PCNP: variants seen among roughly 807,000 people sequenced by gnomAD.
The protein encoded by PCNP is PEST proteolytic signal-containing nuclear protein.
In PCNP, 6 loss-of-function variants were observed where a neutral mutation model predicts 21.8. The ratio of observed to expected loss-of-function variants is 0.28; its 90% CI spans 0.15 to 0.54. PCNP has a LOEUF of 0.54. Ranked by LOEUF, PCNP falls within the 20% of genes least tolerant of loss-of-function variation. The pLI is 0.95. For missense variants in PCNP, 161 were observed against 215.5 expected, an observed-to-expected ratio of 0.75 and a Z score of 1.58; for synonymous variants, 67 against 73.2, an observed-to-expected ratio of 0.92 and a Z score of 0.43.
intron 1 of PCNP, chr3:101,576,422 A>AT (rs199681143): frequency 1.7e-5 from 21 of 1,235,240 alleles, no homozygotes; most frequent in African/African-American, 3.1e-5. Flanking sequence ...TTTATTTTTT[A>AT]TTTTTTTTAT....
chr3:101,584,645 ACC>A (rs1935404342), intron 2 of PCNP, among the ~76,000 whole-genome samples: 1 of 152,004 alleles, frequency 6.6e-6, no homozygotes, highest in African/African-American at 2.4e-5. Context: ...CCTCACTGCA[ACC>A]TCTGCCTCCT....
At chr3:101,575,471 C>A (rs1243105754) in intron 1 of PCNP, among the ~76,000 whole-genome samples, 4 of 150,910 alleles carry the variant, frequency 2.7e-5, no homozygotes, top group African/African-American at 9.8e-5. Context: ...CCCTCCCCAC[C>A]CCCTGTCTTT....
chr3:101,578,384 C>T (rs759613263), intron 1 of PCNP, among the ~76,000 whole-genome samples: 1 of 152,136 alleles, frequency 6.6e-6, no homozygotes, highest in Non-Finnish European at 1.5e-5. Context: ...AATTGAGTTC[C>T]GTTTTTCAGT....
rs1208571437 is a variant in PCNP, at chr3:101,594,237, T to C, written c.*1484T>C. 1 of 152,614 alleles carries C rather than the reference T, an allele frequency of 6.6e-6. No individual in the cohort carries two copies. Among genetic ancestry groups the C allele is most frequent in the Non-Finnish European group, 1.5e-5 (1 of 68,036 alleles). 9.5% of individuals were successfully genotyped at this position (152,614 alleles called of 1,614,324 possible). On this transcript the variant is annotated 3_prime_UTR_variant, in exon 5 of 5. Coordinates refer to ENST00000265260, the MANE Select transcript of PCNP (RefSeq NM_020357.3). Reference sequence around the variant, plus strand: ...TCTTAGTTCTTACATGATTTAATTATATCGATACATGAATTTAACTTACTT... The same window carrying C: ...TCTTAGTTCTTACATGATTTAATTACATCGATACATGAATTTAACTTACTT...
rs1448333057 is a variant in PCNP at position 101,594,419 on chromosome 3, A to G, written c.*1666A>G. 1 of 152,478 alleles carries G rather than the reference A, an allele frequency of 6.6e-6. No individual in the cohort carries two copies. Among genetic ancestry groups the G allele is most frequent in the Non-Finnish European group, 1.5e-5 (1 of 68,050 alleles). 9.4% of individuals were successfully genotyped at this position (152,478 alleles called of 1,614,324 possible). On this transcript the variant is annotated 3_prime_UTR_variant, in exon 5 of 5. Transcript: ENST00000265260. Reference sequence around the variant, plus strand: ...GATGAATGTCTTTACTAAAGTACCAATAAATTTGTCAAACTCAATAGTGTT... The same window carrying G: ...GATGAATGTCTTTACTAAAGTACCAGTAAATTTGTCAAACTCAATAGTGTT...
chr3:101,579,097 A>G (rs989394225), intron 1 of PCNP, among the ~76,000 whole-genome samples: 62 of 151,996 alleles, frequency 4.1e-4, no homozygotes, highest in African/African-American at 1.4e-3. Context: ...CTCATCTTTC[A>G]TGAAAAAAAC....
intron 1 of PCNP, 28 bp downstream of exon 1, chr3:101,574,307 G>C (rs1200546787): frequency 1.3e-6 from 2 of 1,526,720 alleles, no homozygotes; most frequent in South Asian, 2.4e-5. Flanking sequence ...GTCGTGGGCA[G>C]CGTGGGATGC....
chr3:101,576,616 A>G (rs934550995), intron 1 of PCNP: 17 of 1,611,398 alleles, frequency 1.1e-5, no homozygotes, highest in Non-Finnish European at 1.4e-5. Context: ...CAGTCGCTCC[A>G]GGTCTTCACG....
intron 2 of PCNP, among the ~76,000 whole-genome samples, chr3:101,583,285 A>C (rs1935327609): frequency 6.6e-6 from 1 of 152,168 alleles, no homozygotes; most frequent in South Asian, 2.1e-4. Context: ...GCAAAACTCC[A>C]TCTCTACTGA....
chr3:101,585,385 C>A, intron 2 of PCNP, 52 bp from the exon 3 acceptor site: 1 of 1,023,092 alleles, frequency 9.8e-7, no homozygotes, highest in Non-Finnish European at 1.5e-6. Flanking sequence ...ATTAAACAAG[C>A]TTGTATAAAT....
In PCNP at chr3:101,589,537, A is replaced by G. The variant is rs1223341839; in HGVS notation, c.355-678A>G. 3.3e-5 allele frequency among the ~76,000 whole-genome samples: 5 copies of G among 151,786 alleles called. No homozygotes were observed. In the East Asian group the frequency reaches 7.7e-4, roughly 23 times the overall value. ...GCAATTCTCCTGCCTCAGCCTCCTGAGTAGCTGGGATTACAGGCACGCGCC... is the reference window on the plus strand; with the variant it reads ...GCAATTCTCCTGCCTCAGCCTCCTGGGTAGCTGGGATTACAGGCACGCGCC... On this transcript the variant is annotated intron_variant, in intron 3 of 4. Coordinates refer to ENST00000265260, the MANE Select transcript of PCNP (RefSeq NM_020357.3).
At chr3:101,582,251 G>A (rs1935263144) in intron 2 of PCNP, among the ~76,000 whole-genome samples, 2 of 151,982 alleles carry the variant, frequency 1.3e-5, no homozygotes, top group Non-Finnish European at 1.5e-5. Flanking sequence ...TCAAGAGATC[G>A]AGACCATCCT....
intron 2 of PCNP, 114 bp from the exon 3 acceptor site, chr3:101,585,323 A>T: frequency 1.5e-6 from 1 of 657,736 alleles, no homozygotes; most frequent in Non-Finnish European, 2.5e-6. Flanking sequence ...TCGTTACTAT[A>T]CAAATTTCTG....
chr3:101,581,865 C>T (rs759313596), intron 2 of PCNP, among the ~76,000 whole-genome samples: 8 of 151,642 alleles, frequency 5.3e-5, no homozygotes, highest in Non-Finnish European at 1.0e-4. Context: ...CTCAGCCTCC[C>T]GAGTAGCTGG....
At chr3:101,582,344 T>C (rs982374038) in intron 2 of PCNP, among the ~76,000 whole-genome samples, 1 of 152,058 alleles carries the variant, frequency 6.6e-6, no homozygotes, top group Non-Finnish European at 1.5e-5. Flanking sequence ...TCCCAGCTAC[T>C]GGGGAGGCTG....
intron 3 of PCNP, among the ~76,000 whole-genome samples, chr3:101,587,084 C>T (rs1935568266): frequency 6.6e-6 from 1 of 151,932 alleles, no homozygotes; most frequent in Non-Finnish European, 1.5e-5. Context: ...AACCCCGTCT[C>T]TACTAAAAAT....
chr3:101,575,124 A>C (rs937173604), intron 1 of PCNP, among the ~76,000 whole-genome samples: 1 of 152,212 alleles, frequency 6.6e-6, no homozygotes, highest in African/African-American at 2.4e-5. Flanking sequence ...AAGGAAAAGA[A>C]ACGTAATCTC....
chr3:101,587,295 A>T (rs770253479), intron 3 of PCNP, among the ~76,000 whole-genome samples: 11 of 152,064 alleles, frequency 7.2e-5, no homozygotes, highest in Non-Finnish European at 1.3e-4. Context: ...ATCAATTTTC[A>T]GGTCACAAGC....
chr3:101,587,015 A>T (rs1174081745), intron 3 of PCNP, among the ~76,000 whole-genome samples: 1 of 152,120 alleles, frequency 6.6e-6, no homozygotes, highest in African/African-American at 2.4e-5. Flanking sequence ...ACACTTTGGG[A>T]GGCCGAGGCG....
Sources: allele counts gnomAD v4.1 joint callset (sites outside exome capture counted in the v4.1 genomes callset), GRCh38; gene constraint gnomAD v4.1.1; transcripts MANE v1.5; gene names NCBI Gene and HGNC (gene_info 2026-07-23, HGNC 2026-07-21).